The following MMP16 variants were observed in gnomAD, a reference collection of about 807,000 sequenced individuals.
MMP16 encodes matrix metallopeptidase 16.
Under a neutral mutation model 67.8 loss-of-function variants are expected in MMP16, and 12 were observed. The ratio of observed to expected loss-of-function variants is 0.18; its 90% CI spans 0.11 to 0.29. The LOEUF is 0.29. MMP16 is among the 10% of genes least tolerant of loss of function. The probability of loss-of-function intolerance (pLI) is 1.00; values close to 1 mark genes in which losing one functional copy is unlikely to be tolerated. For missense variants in MMP16, 475 were observed against 765.7 expected, an observed-to-expected ratio of 0.62 and a Z score of 4.48; for synonymous variants, 249 against 255.9, an observed-to-expected ratio of 0.97 and a Z score of 0.26.
chr8:88,214,891 A>C (rs1019559113), intron 1 of MMP16, among the ~76,000 whole-genome samples: 1 of 152,192 alleles, frequency 6.6e-6, no homozygotes, highest in African/African-American at 2.4e-5. Context: ...AGAGCCTTCC[A>C]AACACTTGAA....
chr8:88,296,845 A>G (rs2130032368), intron 1 of MMP16, among the ~76,000 whole-genome samples: 1 of 120,804 alleles, frequency 8.3e-6, no homozygotes, highest in Middle Eastern at 4.9e-3. Context: ...ACACTGCCTA[A>G]AAAAAAAAAA....
chr8:88,142,285 A>G (rs1031700006), intron 4 of MMP16, among the ~76,000 whole-genome samples: 2 of 152,148 alleles, frequency 1.3e-5, no homozygotes, highest in Non-Finnish European at 2.9e-5. Context: ...AAATAATCCT[A>G]TTATATTCAA....
chr8:88,098,929 GA>G (rs1374550608), intron 6 of MMP16, among the ~76,000 whole-genome samples: 30 of 151,756 alleles, frequency 2.0e-4, no homozygotes, highest in African/African-American at 6.5e-4. Context: ...TACATATGTA[GA>G]TTTTTTTACA....
At chr8:88,325,813 T>G (rs1811527470) in intron 1 of MMP16, among the ~76,000 whole-genome samples, 1 of 152,242 alleles carries the variant, frequency 6.6e-6, no homozygotes, top group Admixed American at 6.5e-5. Context: ...GCTCTTACTT[T>G]TTCAAATACT....
chr8:88,119,743 T>G (rs143263657), intron 4 of MMP16, among the ~76,000 whole-genome samples: 186 of 152,176 alleles, frequency 1.2e-3, no homozygotes, highest in African/African-American at 4.2e-3. Flanking sequence ...TGCTAAAAAT[T>G]TACTTGGACA....
intron 1 of MMP16, among the ~76,000 whole-genome samples, chr8:88,300,142 T>C (rs927282506): frequency 1.3e-5 from 2 of 152,198 alleles, no homozygotes; most frequent in Non-Finnish European, 2.9e-5. Flanking sequence ...TCAACTACCA[T>C]ACTTGTATAT....
In MMP16 at chr8:88,034,931, G is replaced by A. The variant is rs1808035318; in HGVS notation, c.*6530C>T. On this transcript the variant is annotated 3_prime_UTR_variant, in exon 10 of 10. Transcript: ENST00000286614. ...TACCATGCAGTCACATCTCACCAAA[G>A]CTTCATCATATATAAAGCATGTATA... 6.6e-6 allele frequency: 1 copy of A among 151,906 alleles called. No homozygotes were observed. The highest frequency in any genetic ancestry group is 2.4e-5 in the African/African-American group (1 of 41,382). 9.4% of individuals were successfully genotyped at this position (151,906 alleles called of 1,614,324 possible).
In MMP16 at chr8:88,041,832, T is replaced by C. The variant is rs780135772; in HGVS notation, c.1490-37A>G. On this transcript the variant is annotated intron_variant, in intron 9 of 9. Transcript: ENST00000286614. The surrounding 1 kb of genome is among the most constrained non-coding windows in gnomAD (Gnocchi z 6.0). The stretch of plus-strand genomic sequence containing the variant: ...AACATACACACACACAGGTACCACT[T>C]ATTTGTGACAGTGTATATGTAGAGA... 64 of 1,457,414 alleles carry C rather than the reference T, an allele frequency of 4.4e-5. No homozygotes were observed. In the Middle Eastern group the frequency reaches 9.8e-4, roughly 22 times the overall value. 90.3% of individuals were successfully genotyped at this position (1,457,414 alleles called of 1,614,324 possible). A position where few individuals can be genotyped will look rare whatever the true frequency, so the allele number is the denominator to read the frequency against.
chr8:88,221,547 A>G (rs921357293), intron 1 of MMP16, among the ~76,000 whole-genome samples: 1 of 152,150 alleles, frequency 6.6e-6, no homozygotes, highest in African/African-American at 2.4e-5. Context: ...GTTACAAATA[A>G]TAACCCCAGA....
At chr8:88,201,298 A>T (rs943248440) in intron 1 of MMP16, among the ~76,000 whole-genome samples, 2 of 152,064 alleles carry the variant, frequency 1.3e-5, no homozygotes, top group Non-Finnish European at 2.9e-5. Flanking sequence ...AATCTGAAAA[A>T]TCACTTTGCC....
At chr8:88,104,457 T>TA (rs1486905221) in intron 6 of MMP16, among the ~76,000 whole-genome samples, 1 of 151,636 alleles carries the variant, frequency 6.6e-6, no homozygotes, top group Non-Finnish European at 1.5e-5. Flanking sequence ...ATAATGAGGC[T>TA]AAAAAATTCC....
intron 8 of MMP16, among the ~76,000 whole-genome samples, chr8:88,048,420 T>A (rs995111259): frequency 7.1e-6 from 1 of 140,308 alleles, no homozygotes; most frequent in African/African-American, 2.8e-5. Flanking sequence ...GTAAAATAAG[T>A]TTATATTTTG....
At chr8:88,207,285 A>C (rs969482542) in intron 1 of MMP16, among the ~76,000 whole-genome samples, 1 of 152,208 alleles carries the variant, frequency 6.6e-6, no homozygotes, top group Non-Finnish European at 1.5e-5. Flanking sequence ...GCATAAAATT[A>C]ACTGTAGTAC....
At chr8:88,117,512 C>T (rs1372191955) in intron 5 of MMP16, among the ~76,000 whole-genome samples, 1 of 152,032 alleles carries the variant, frequency 6.6e-6, no homozygotes, top group Non-Finnish European at 1.5e-5. Context: ...GTCTAGACTA[C>T]TAATTCATGA....
At chr8:88,203,878 A>G (rs1334892973) in intron 1 of MMP16, among the ~76,000 whole-genome samples, 1 of 152,200 alleles carries the variant, frequency 6.6e-6, no homozygotes, top group Non-Finnish European at 1.5e-5. Context: ...TGTGCTATTC[A>G]ATAGCTATTT....
intron 1 of MMP16, among the ~76,000 whole-genome samples, chr8:88,229,819 T>A (rs1321573468): frequency 1.3e-5 from 2 of 152,120 alleles, no homozygotes; most frequent in Non-Finnish European, 2.9e-5. Flanking sequence ...CATCCAAGTC[T>A]AAATGACCGA....
chr8:88,080,575 A>G (rs1245886611), intron 6 of MMP16, among the ~76,000 whole-genome samples: 1 of 152,118 alleles, frequency 6.6e-6, no homozygotes, highest in Non-Finnish European at 1.5e-5. Context: ...AGCTGGAACT[A>G]CAGGCATCTG....
chr8:88,114,108 C>T (rs536806250), intron 6 of MMP16, among the ~76,000 whole-genome samples: 60 of 151,904 alleles, frequency 3.9e-4, no homozygotes, highest in African/African-American at 1.4e-3. Context: ...GAATGTTACC[C>T]ATCTTTCAGT....
At chr8:88,286,891 C>A (rs983882639) in intron 1 of MMP16, among the ~76,000 whole-genome samples, 1 of 152,022 alleles carries the variant, frequency 6.6e-6, no homozygotes, top group African/African-American at 2.4e-5. Flanking sequence ...TGATCAACAG[C>A]GCTAAAGATT....
Sources: allele counts gnomAD v4.1 joint callset (sites outside exome capture counted in the v4.1 genomes callset), GRCh38; gene constraint gnomAD v4.1.1; non-coding constraint Gnocchi (gnomAD v3.1); transcripts MANE v1.5; gene names NCBI Gene and HGNC (gene_info 2026-07-23, HGNC 2026-07-21).